The following RIMS1 variants were observed in gnomAD, a reference collection of about 807,000 sequenced individuals.
RIMS1 encodes regulating synaptic membrane exocytosis protein 1.
Under a neutral mutation model 214.1 loss-of-function variants are expected in RIMS1, and 83 were observed. That is an observed-to-expected ratio of 0.39 (90% CI 0.32 to 0.47). The LOEUF is 0.47. RIMS1 is among the 20% of genes least tolerant of loss of function. The pLI is 0.99. For missense variants in RIMS1, 2,050 were observed against 2,161.8 expected (o/e 0.95, Z 1.03); for synonymous variants, 793 against 786.8 (o/e 1.01, Z -0.13).
At chr6:72,221,581 C>G (rs185153322) in intron 6 of RIMS1, among the ~76,000 whole-genome samples, 1 of 151,774 alleles carries the variant, frequency 6.6e-6, no homozygotes, top group African/African-American at 2.4e-5. Context: ...GAATAATAAA[C>G]ATTTTATTTA....
chr6:72,387,596 C>T (rs1403078144), intron 29 of RIMS1, among the ~76,000 whole-genome samples: 2 of 152,160 alleles, frequency 1.3e-5, no homozygotes, highest in Non-Finnish European at 2.9e-5. Context: ...TAGATGAAGT[C>T]CCTGCCTTCG....
Position 71,909,607 on chromosome 6 carries a change from G to A in RIMS1, c.164+22420G>A, listed in dbSNP as rs186477142. Reference sequence around the variant, plus strand: ...TACTTAATTAAAATAATGTTTTGGCGCTGGCTTGCATTAGAAAATACAGAG... The same window carrying A: ...TACTTAATTAAAATAATGTTTTGGCACTGGCTTGCATTAGAAAATACAGAG... On this transcript the variant is annotated intron_variant, in intron 1 of 33. Coordinates refer to ENST00000521978, the MANE Select transcript of RIMS1 (RefSeq NM_014989.7). Among the ~76,000 whole-genome samples the A allele has an allele frequency of 1.2e-3, 178 of 152,028 alleles. 1 individual carries two copies. The highest frequency in any genetic ancestry group is 4.0e-3 in the African/African-American group (167 of 41,488).
chr6:72,013,765 G>A (rs373346865), intron 2 of RIMS1, among the ~76,000 whole-genome samples: 31 of 152,166 alleles, frequency 2.0e-4, no homozygotes, highest in Admixed American at 2.0e-3. Flanking sequence ...CTGTATGAAA[G>A]TGTGCAGTTC....
intron 29 of RIMS1, among the ~76,000 whole-genome samples, chr6:72,342,609 G>A (rs918746057): frequency 1.3e-5 from 2 of 149,030 alleles, no homozygotes; most frequent in Non-Finnish European, 3.0e-5. Context: ...AATTGAGGGA[G>A]TAGTAAGAGT....
intron 1 of RIMS1, among the ~76,000 whole-genome samples, chr6:71,922,560 A>C (rs551318983): frequency 6.6e-6 from 1 of 152,200 alleles, no homozygotes; most frequent in Non-Finnish European, 1.5e-5. Context: ...CAAAACAAAA[A>C]CCAGAATGTT....
intron 11 of RIMS1, among the ~76,000 whole-genome samples, 178 bp downstream of exon 11, chr6:72,246,039 A>G (rs2069437429): frequency 6.6e-6 from 1 of 152,164 alleles, no homozygotes; most frequent in South Asian, 2.1e-4. Context: ...GTCCTACTTC[A>G]GGATTTTTCT....
intron 6 of RIMS1, chr6:72,213,257 T>C (rs906149321): frequency 1.3e-6 from 2 of 1,510,286 alleles, no homozygotes; most frequent in Non-Finnish European, 1.8e-6. Context: ...CACTTCATTT[T>C]GTCCCAGTTG....
At chr6:71,918,580 G>C (rs1207330503) in intron 1 of RIMS1, among the ~76,000 whole-genome samples, 1 of 152,166 alleles carries the variant, frequency 6.6e-6, no homozygotes, top group Non-Finnish European at 1.5e-5. Context: ...TAATTTGACA[G>C]GGTCATGAGG....
intron 6 of RIMS1, among the ~76,000 whole-genome samples, chr6:72,198,346 A>G (rs2051345820): frequency 1.3e-5 from 2 of 151,986 alleles, no homozygotes; most frequent in African/African-American, 2.4e-5. Flanking sequence ...AATCATCATC[A>G]TCATCTGCAG....
intron 23 of RIMS1, among the ~76,000 whole-genome samples, chr6:72,283,573 A>T (rs2091175267): frequency 6.6e-6 from 1 of 152,052 alleles, no homozygotes; most frequent in African/African-American, 2.4e-5. Context: ...TCTTTTCTTC[A>T]CAATTTGTGG....
chr6:72,343,914 A>G (rs1248290379), intron 29 of RIMS1, among the ~76,000 whole-genome samples: 1 of 151,780 alleles, frequency 6.6e-6, no homozygotes, highest in Admixed American at 6.6e-5. Context: ...TATAGAAACT[A>G]TCAAAATTTT....
chr6:72,233,663 G>A (rs1372173460), intron 6 of RIMS1, 110 bp from the exon 7 acceptor site: 5 of 813,646 alleles, frequency 6.1e-6, no homozygotes, highest in East Asian at 5.3e-5. Flanking sequence ...CGATGTACAC[G>A]CTCAAGCTTA....
intron 1 of RIMS1, among the ~76,000 whole-genome samples, chr6:71,966,224 TCTATTCTTGAATATTTGTC>T (rs1379818017): frequency 1.3e-5 from 2 of 152,246 alleles, no homozygotes; most frequent in African/African-American, 4.8e-5. Flanking sequence ...GCTACATTGC[TCTATTCTTGAATATTTGTC>T]CTGTGGCCAG....
At chr6:72,371,572 A>T (rs958065565) in intron 29 of RIMS1, among the ~76,000 whole-genome samples, 3 of 152,220 alleles carry the variant, frequency 2.0e-5, no homozygotes, top group Non-Finnish European at 4.4e-5. Context: ...AAAGTTGACT[A>T]ACTTCTCTCC....
At chr6:72,101,119 G>A (rs1031462835) in intron 4 of RIMS1, among the ~76,000 whole-genome samples, 1 of 151,906 alleles carries the variant, frequency 6.6e-6, no homozygotes, top group African/African-American at 2.4e-5. Context: ...AATAATGCTG[G>A]TGTTTAGGCA....
At chr6:72,269,665 C>T (rs1366308302) in intron 22 of RIMS1, among the ~76,000 whole-genome samples, 1 of 152,260 alleles carries the variant, frequency 6.6e-6, no homozygotes, top group African/African-American at 2.4e-5. Flanking sequence ...GTCACAAATT[C>T]AGTCACAATA....
At position 72,290,691 on chromosome 6, in the gene RIMS1, A is replaced by C. The variant is rs955208814; in HGVS notation, c.3567A>C (p.Thr1189=). The C allele has an allele frequency of 2.4e-5, 39 of 1,613,380 alleles. No homozygotes were observed. Among genetic ancestry groups the C allele is most frequent in the Non-Finnish European group, 3.0e-5 (35 of 1,179,624 alleles). ...TASDAERVLP[T]CLSRRGHAAP... is the part of the protein sequence containing the mutation. ...CCTAATGTTTTAGGGTTCTCCCAACATGTCTTTCTAGAAGGGGACACGCAG... is the reference window on the plus strand; with the variant it reads ...CCTAATGTTTTAGGGTTCTCCCAACCTGTCTTTCTAGAAGGGGACACGCAG... The change falls in exon 25 of 34, where the codon ACA becomes ACC. Residue 1189 remains threonine (T), a synonymous_variant. Coordinates refer to ENST00000521978, the MANE Select transcript of RIMS1 (RefSeq NM_014989.7).
chr6:72,272,369 T>A (rs891130526), intron 22 of RIMS1, among the ~76,000 whole-genome samples: 1 of 152,154 alleles, frequency 6.6e-6, no homozygotes, highest in Non-Finnish European at 1.5e-5. Flanking sequence ...ACATCTTTTC[T>A]TAGGACAAAA....
At chr6:71,912,666 T>C (rs1414005724) in intron 1 of RIMS1, among the ~76,000 whole-genome samples, 1 of 152,152 alleles carries the variant, frequency 6.6e-6, no homozygotes, top group South Asian at 2.1e-4. Context: ...CGATGAAACA[T>C]TTGGCAAATA....
Sources: allele counts gnomAD v4.1 joint callset (sites outside exome capture counted in the v4.1 genomes callset), GRCh38; gene constraint gnomAD v4.1.1; transcripts MANE v1.5; gene names NCBI Gene and HGNC (gene_info 2026-07-23, HGNC 2026-07-21).